The following CACNA1E variants were observed in gnomAD, a reference collection of about 807,000 sequenced individuals.
The protein encoded by CACNA1E is calcium voltage-gated channel subunit alpha1 E, also known as voltage-dependent R-type calcium channel subunit alpha-1E.
A neutral mutation model predicts 259.2 loss-of-function variants in CACNA1E; 40 were observed. That is an observed-to-expected ratio of 0.15 (90% confidence interval 0.12 to 0.20). CACNA1E has a LOEUF of 0.20. Among genes scored for constraint, CACNA1E ranks in the 10% least tolerant of loss-of-function variants. The pLI is 1.00. For missense variants in CACNA1E, 1,874 were observed against 3,040.1 expected, an observed-to-expected ratio of 0.62 and a Z score of 9.02; for synonymous variants, 1,104 against 1,138.5, an observed-to-expected ratio of 0.97 and a Z score of 0.61.
intron 6 of CACNA1E, among the ~76,000 whole-genome samples, chr1:181,637,216 T>C (rs750025401): frequency 1.3e-5 from 2 of 152,220 alleles, no homozygotes; most frequent in African/African-American, 2.4e-5. Flanking sequence ...ATAAGAGTGA[T>C]AGAAACTTTC....
intron 3 of CACNA1E, among the ~76,000 whole-genome samples, chr1:181,545,287 C>G (rs1647324377): frequency 6.6e-6 from 1 of 152,152 alleles, no homozygotes; most frequent in South Asian, 2.1e-4. Context: ...AATATTAACC[C>G]CTGTTACATA....
At chr1:181,372,618 G>A (rs560687354) in intron 1 of CACNA1E, among the ~76,000 whole-genome samples, 2 of 152,090 alleles carry the variant, frequency 1.3e-5, no homozygotes, top group African/African-American at 4.8e-5. Flanking sequence ...GCTATGGCTA[G>A]GATTTCCAGT....
At chr1:181,580,250 C>G (rs1364190185) in intron 5 of CACNA1E, among the ~76,000 whole-genome samples, 1 of 152,158 alleles carries the variant, frequency 6.6e-6, no homozygotes, top group Non-Finnish European at 1.5e-5. Flanking sequence ...GAGTCTGAAG[C>G]CAGAAAACCT....
At position 181,800,280 on chromosome 1, in the gene CACNA1E, G is replaced by A. The variant is rs931301456; in HGVS notation, c.*1446G>A. ...CCTCATCATACAGGATGACAAGACT[G>A]GGGCCCTGTTCACCTTGAACATGCC... On this transcript the variant is annotated 3_prime_UTR_variant, in exon 48 of 48. Transcript: ENST00000367573. The A allele has an allele frequency of 1.3e-5, 2 of 152,646 alleles. No homozygotes were observed. Among genetic ancestry groups the A allele is most frequent in the Non-Finnish European group, 2.9e-5 (2 of 68,064 alleles). 9.5% of individuals were successfully genotyped at this position (152,646 alleles called of 1,614,324 possible). A position where few individuals can be genotyped will look rare whatever the true frequency, so the allele number is the denominator to read the frequency against.
At chr1:181,792,053 C>G (rs1313376748) in intron 44 of CACNA1E, among the ~76,000 whole-genome samples, 1 of 152,152 alleles carries the variant, frequency 6.6e-6, no homozygotes, top group Non-Finnish European at 1.5e-5. Context: ...CAGGTAGGAA[C>G]TAGTAGAGTC....
intron 7 of CACNA1E, among the ~76,000 whole-genome samples, chr1:181,658,656 GA>G (rs1490056798): frequency 6.6e-6 from 1 of 152,204 alleles, no homozygotes; most frequent in East Asian, 1.9e-4. Context: ...GCTCCTCTGG[GA>G]GATGGTCTGC....
intron 32 of CACNA1E, among the ~76,000 whole-genome samples, chr1:181,759,246 A>G: frequency 6.6e-6 from 1 of 152,370 alleles, no homozygotes; most frequent in African/African-American, 2.4e-5. Flanking sequence ...TGGGAAAATA[A>G]CTATCTCTCT....
chr1:181,571,254 T>C (rs1488729157), intron 3 of CACNA1E, among the ~76,000 whole-genome samples: 2 of 152,246 alleles, frequency 1.3e-5, no homozygotes, highest in African/African-American at 4.8e-5. Flanking sequence ...GATTTGAAAC[T>C]AGCCAGTGTG....
At chr1:181,383,247 C>T (rs1261626355) in intron 1 of CACNA1E, among the ~76,000 whole-genome samples, 2 of 152,188 alleles carry the variant, frequency 1.3e-5, no homozygotes, top group African/African-American at 4.8e-5. Flanking sequence ...TCTTTATTCC[C>T]CACAGCCCCA....
At chr1:181,583,812 T>C (rs1201265984) in intron 6 of CACNA1E, among the ~76,000 whole-genome samples, 1 of 152,102 alleles carries the variant, frequency 6.6e-6, no homozygotes, top group Non-Finnish European at 1.5e-5. Context: ...ATTCTTGGCT[T>C]CCCTCCCTCC....
intron 2 of CACNA1E, among the ~76,000 whole-genome samples, chr1:181,425,374 T>G (rs1659090876): frequency 6.6e-6 from 1 of 152,028 alleles, no homozygotes; most frequent in South Asian, 2.1e-4. Flanking sequence ...TGGCTGCAAA[T>G]GAGCCAAAGG....
intron 7 of CACNA1E, among the ~76,000 whole-genome samples, chr1:181,672,499 A>G (rs1000320046): frequency 6.6e-6 from 1 of 152,218 alleles, no homozygotes; most frequent in African/African-American, 2.4e-5. Context: ...GCTTTTATTG[A>G]TATCTTCACC....
intron 3 of CACNA1E, among the ~76,000 whole-genome samples, chr1:181,569,302 C>G (rs1200447716): frequency 2.6e-5 from 4 of 152,124 alleles, no homozygotes; most frequent in African/African-American, 4.8e-5. Flanking sequence ...TGGAGCTAAG[C>G]CTGATGGCAT....
intron 35 of CACNA1E, among the ~76,000 whole-genome samples, chr1:181,767,782 G>C (rs893293090): frequency 4.6e-5 from 7 of 152,190 alleles, no homozygotes; most frequent in African/African-American, 1.7e-4. Flanking sequence ...GGAATTTAAT[G>C]ATCATGTTGG....
intron 3 of CACNA1E, among the ~76,000 whole-genome samples, chr1:181,526,655 A>G (rs896120818): frequency 1.5e-4 from 23 of 152,198 alleles, no homozygotes; most frequent in African/African-American, 5.3e-4. Context: ...ACAATAGGTT[A>G]GAGTTATAAC....
At position 181,757,939 on chromosome 1, in the gene CACNA1E, TC is replaced by T; in HGVS notation, c.4330-7del. 6.2e-7 allele frequency: 1 copy of T among 1,613,650 alleles called. No homozygotes were observed. Among genetic ancestry groups the T allele is most frequent in the Non-Finnish European group, 8.5e-7 (1 of 1,179,694 alleles). Reference sequence around the variant, plus strand: ...GAATTTGTGCTAATAACCATGACTTTCTTGCAGAGGGCGTGCATCGACTTCG... The same window carrying T: ...GAATTTGTGCTAATAACCATGACTTTTTGCAGAGGGCGTGCATCGACTTCG... On this transcript the variant is annotated splice_region_variant and splice_polypyrimidine_tract_variant and intron_variant, in intron 30 of 47. Coordinates refer to ENST00000367573, the MANE Select transcript of CACNA1E (RefSeq NM_001205293.3).
rs932377873 is a variant in CACNA1E, at chr1:181,582,184, G to A, written c.951+1408G>A. On this transcript the variant is annotated intron_variant, in intron 6 of 47. Coordinates refer to ENST00000367573, the MANE Select transcript of CACNA1E (RefSeq NM_001205293.3). ...AAGAGTCACTGGCTATTATGCTAAA[G>A]CTCTAAAGGGCAGTGAAGAAGTCCC... Among the ~76,000 whole-genome samples, 44 of 152,232 alleles carry A rather than the reference G, an allele frequency of 2.9e-4. 2 individuals carry two copies. Among genetic ancestry groups the A allele is most frequent in the Non-Finnish European group, 1.5e-5 (1 of 68,046 alleles).
intron 3 of CACNA1E, among the ~76,000 whole-genome samples, chr1:181,527,061 G>A (rs1214225084): frequency 1.3e-5 from 2 of 152,250 alleles, no homozygotes; most frequent in Non-Finnish European, 2.9e-5. Flanking sequence ...GCTGGATTAT[G>A]CTAGCTTCTA....
chr1:181,516,343 C>CCACACACACA (rs3080529), intron 3 of CACNA1E, among the ~76,000 whole-genome samples: 100 of 143,434 alleles, frequency 7.0e-4, no homozygotes, highest in African/African-American at 2.0e-3. Flanking sequence ...GTGCCAAAGA[C>CCACACACACA]CACACACACA....
Sources: allele counts gnomAD v4.1 joint callset (sites outside exome capture counted in the v4.1 genomes callset), GRCh38; gene constraint gnomAD v4.1.1; transcripts MANE v1.5; gene names NCBI Gene and HGNC (gene_info 2026-07-23, HGNC 2026-07-21).